Variants in TAPT1 observed in about 807,000 individuals in gnomAD.
TAPT1 encodes the protein transmembrane anterior posterior transformation protein 1 homolog.
TAPT1 carries 28 observed loss-of-function variants against 65.6 expected under a neutral mutation model. The observed-to-expected ratio is 0.43, with a 90% CI of 0.32 to 0.59. TAPT1 has a LOEUF of 0.59. Among genes scored for constraint, TAPT1 ranks in the 20% least tolerant of loss-of-function variants. The pLI, the probability that TAPT1 is intolerant of heterozygous loss-of-function variation, is 0.09. For missense variants in TAPT1, 563 were observed against 679.9 expected (o/e 0.83, Z 1.91); for synonymous variants, 278 against 245.2 (o/e 1.13, Z -1.25).
chr4:16,216,799 T>C (rs1476876473), intron 1 of TAPT1, among the ~76,000 whole-genome samples: 1 of 152,178 alleles, frequency 6.6e-6, no homozygotes, highest in African/African-American at 2.4e-5. Flanking sequence ...TTTCCTCCCT[T>C]CAATGCTAAC....
chr4:16,218,385 CAA>C (rs956623493), intron 1 of TAPT1, among the ~76,000 whole-genome samples: 2 of 152,188 alleles, frequency 1.3e-5, no homozygotes, highest in African/African-American at 2.4e-5. Context: ...GCCTGGGTGA[CAA>C]GAGTGAAACT....
intron 1 of TAPT1, among the ~76,000 whole-genome samples, chr4:16,218,016 A>T (rs1751038545): frequency 6.6e-6 from 1 of 152,254 alleles, no homozygotes; most frequent in South Asian, 2.1e-4. Flanking sequence ...GAAAGAAATT[A>T]CGCAGCCCAC....
chr4:16,172,198 C>T (rs922160975), intron 11 of TAPT1, among the ~76,000 whole-genome samples: 5 of 152,038 alleles, frequency 3.3e-5, no homozygotes, highest in Non-Finnish European at 7.4e-5. Context: ...CATAAAAACT[C>T]ATTTAAAGAA....
chr4:16,162,999 A>C lies in TAPT1; in HGVS notation c.*309T>G, dbSNP rs1243515294. On this transcript the variant is annotated 3_prime_UTR_variant, in exon 14 of 14. Transcript: ENST00000405303. ...TTCAACATTCTGGAAGCCCAGACTGACAAAGCAAAACAGATTTTGATGTTG... is the reference window on the plus strand; with the variant it reads ...TTCAACATTCTGGAAGCCCAGACTGCCAAAGCAAAACAGATTTTGATGTTG... The C allele has an allele frequency of 1.0e-5, 5 of 491,536 alleles. No homozygotes were observed. The highest frequency in any genetic ancestry group is 2.0e-5 in the Non-Finnish European group (5 of 250,556). The allele number at this position is 491,536 out of a possible 1,614,324, so 30.4% of individuals were successfully genotyped here. A position where few individuals can be genotyped will look rare whatever the true frequency, so the allele number is the denominator to read the frequency against.
rs773678190 is a variant in TAPT1, at chr4:16,163,225, G to T, written c.*83C>A. On this transcript the variant is annotated 3_prime_UTR_variant, in exon 14 of 14. Coordinates refer to ENST00000405303, the MANE Select transcript of TAPT1 (RefSeq NM_153365.3). ...TAAGTTTTTAAATAAATATTTAAGT[G>T]CCATGTTTAGCATCTATTTGTCCTG... 94 of 934,064 alleles carry T rather than the reference G, an allele frequency of 1.0e-4. No homozygotes were observed. Among genetic ancestry groups the T allele is most frequent in the Non-Finnish European group, 1.6e-4 (91 of 581,786 alleles). 57.9% of individuals were successfully genotyped at this position (934,064 alleles called of 1,614,324 possible).
intron 2 of TAPT1, among the ~76,000 whole-genome samples, chr4:16,213,259 G>A (rs1750747157): frequency 6.6e-6 from 1 of 152,178 alleles, no homozygotes. Context: ...AAGATGTAGT[G>A]CTGCTGTTAC....
intron 1 of TAPT1, among the ~76,000 whole-genome samples, chr4:16,224,852 C>T (rs1032409488): frequency 6.6e-6 from 1 of 152,202 alleles, no homozygotes; most frequent in African/African-American, 2.4e-5. Flanking sequence ...CAAACAACTT[C>T]ATTTCCTCTC....
chr4:16,202,214 C>T (rs939479572), intron 3 of TAPT1, among the ~76,000 whole-genome samples: 2 of 152,058 alleles, frequency 1.3e-5, no homozygotes, highest in Non-Finnish European at 2.9e-5. Flanking sequence ...AAGCCTCCAG[C>T]ATTAACATTA....
chr4:16,183,779 C>T (rs1440746677), intron 7 of TAPT1, among the ~76,000 whole-genome samples: 1 of 152,126 alleles, frequency 6.6e-6, no homozygotes, highest in African/African-American at 2.4e-5. Flanking sequence ...TAATTTAGTA[C>T]CTTCCCTCCT....
At chr4:16,212,961 A>T (rs1272290114) in intron 2 of TAPT1, among the ~76,000 whole-genome samples, 1 of 152,242 alleles carries the variant, frequency 6.6e-6, no homozygotes, top group East Asian at 1.9e-4. Flanking sequence ...TTGTTACTAC[A>T]ATGTACCAAT....
chr4:16,178,857 A>T (rs1215153111), intron 8 of TAPT1: 1 of 152,232 alleles, frequency 6.6e-6, no homozygotes, highest in Non-Finnish European at 1.5e-5. Context: ...GTTAGGGAAG[A>T]GCAAAGGTTC....
chr4:16,170,603 G>A (rs746393993), intron 12 of TAPT1, 50 bp downstream of exon 12: 1 of 1,363,708 alleles, frequency 7.3e-7, no homozygotes, highest in Non-Finnish European at 1.0e-6. Context: ...ATTACATCTT[G>A]CATTTATGCT....
chr4:16,179,553 A>T, intron 8 of TAPT1, 24 bp downstream of exon 8: 1 of 1,394,720 alleles, frequency 7.2e-7, no homozygotes, highest in East Asian at 2.5e-5. Flanking sequence ...ATTATAAGAC[A>T]CTGTTTTGTT....
chr4:16,166,991 C>CTCTTTT (rs758182176), intron 12 of TAPT1, 198 bp from the exon 13 acceptor site: 22 of 160,676 alleles, frequency 1.4e-4, no homozygotes, highest in Non-Finnish European at 2.0e-4. Flanking sequence ...CCTTAGTTCT[C>CTCTTTT]TTTTTTTTTT....
intron 5 of TAPT1, among the ~76,000 whole-genome samples, chr4:16,187,736 C>T (rs1485257134): frequency 6.6e-6 from 1 of 152,082 alleles, no homozygotes; most frequent in Non-Finnish European, 1.5e-5. Context: ...CACTTACTCT[C>T]CAATAGAAAA....
At position 16,162,734 on chromosome 4, in the gene TAPT1, T is replaced by C; in HGVS notation, c.*574A>G. On this transcript the variant is annotated 3_prime_UTR_variant, in exon 14 of 14. Coordinates refer to ENST00000405303, the MANE Select transcript of TAPT1 (RefSeq NM_153365.3). ...TTTTTAACCCTACAAAATGCTACTA[T>C]TCATCATGTCTTATTTAAGGTAGCC... 1 of 169,860 alleles carries C rather than the reference T, an allele frequency of 5.9e-6. No homozygotes were observed. Among genetic ancestry groups the C allele is most frequent in the South Asian group, 1.2e-4 (1 of 8,322 alleles). The allele number at this position is 169,860 out of a possible 1,614,324, so 10.5% of individuals were successfully genotyped here. A position where few individuals can be genotyped will look rare whatever the true frequency, so the allele number is the denominator to read the frequency against.
chr4:16,223,769 G>A (rs960370735), intron 1 of TAPT1, among the ~76,000 whole-genome samples: 1 of 152,048 alleles, frequency 6.6e-6, no homozygotes, highest in African/African-American at 2.4e-5. Context: ...TCAACAAGGA[G>A]AGATATAAAA....
intron 3 of TAPT1, among the ~76,000 whole-genome samples, chr4:16,193,488 C>T (rs1421893081): frequency 6.6e-6 from 1 of 152,138 alleles, no homozygotes; most frequent in Non-Finnish European, 1.5e-5. Flanking sequence ...CAAAGAATGT[C>T]CTTCATCTCC....
At chr4:16,169,990 G>A (rs1310789753) in intron 12 of TAPT1, among the ~76,000 whole-genome samples, 2 of 152,164 alleles carry the variant, frequency 1.3e-5, no homozygotes, top group African/African-American at 4.8e-5. Flanking sequence ...ACCTAGGCGA[G>A]GGTGGAACAG....
Sources: allele counts gnomAD v4.1 joint callset (sites outside exome capture counted in the v4.1 genomes callset), GRCh38; gene constraint gnomAD v4.1.1; transcripts MANE v1.5; gene names NCBI Gene and HGNC (gene_info 2026-07-23, HGNC 2026-07-21).